PLXNC1: variants seen among roughly 807,000 people sequenced by gnomAD.
PLXNC1 encodes plexin-C1.
In PLXNC1, 75 loss-of-function variants were observed where a neutral mutation model predicts 178.2. The observed-to-expected ratio is 0.42, with a 90% CI of 0.35 to 0.51. The LOEUF is 0.51. Ranked by LOEUF, PLXNC1 falls within the 20% of genes least tolerant of loss-of-function variation. The pLI is 0.02. For missense variants in PLXNC1, 1,503 were observed against 1,984.4 expected (o/e 0.76, Z 4.61); for synonymous variants, 790 against 779.9 (o/e 1.01, Z -0.22).
At chr12:94,289,804 C>T (rs998660313) in intron 23 of PLXNC1, among the ~76,000 whole-genome samples, 1 of 152,220 alleles carries the variant, frequency 6.6e-6, no homozygotes, top group Non-Finnish European at 1.5e-5. Context: ...AATGTTCCAG[C>T]TCTAGAGCAG....
chr12:94,187,718 C>T (rs916608975), intron 4 of PLXNC1, among the ~76,000 whole-genome samples: 4 of 152,088 alleles, frequency 2.6e-5, no homozygotes, highest in Non-Finnish European at 2.9e-5. Flanking sequence ...GGAGTCAATT[C>T]GATAATGGTG....
At chr12:94,230,933 C>T (rs1407954410) in intron 9 of PLXNC1, among the ~76,000 whole-genome samples, 4 of 152,132 alleles carry the variant, frequency 2.6e-5, no homozygotes, top group Non-Finnish European at 4.4e-5. Flanking sequence ...GCAAGTATAC[C>T]GACCTCCACA....
intron 4 of PLXNC1, among the ~76,000 whole-genome samples, chr12:94,192,263 G>A (rs114850987): frequency 2.9e-4 from 44 of 152,236 alleles, no homozygotes; most frequent in African/African-American, 7.9e-4. Flanking sequence ...TAAGGAACTC[G>A]CATGCTAGCT....
At chr12:94,199,561 T>TG (rs1231061969) in intron 4 of PLXNC1, among the ~76,000 whole-genome samples, 1 of 152,134 alleles carries the variant, frequency 6.6e-6, no homozygotes, top group Admixed American at 6.5e-5. Flanking sequence ...GGAAGGGATT[T>TG]GGGGGGCTTT....
At chr12:94,156,475 A>C in intron 1 of PLXNC1, among the ~76,000 whole-genome samples, 1 of 77,590 alleles carries the variant, frequency 1.3e-5, no homozygotes, top group Non-Finnish European at 2.6e-5. Context: ...CCCACTGTCT[A>C]TCTTTTTTTT....
intron 23 of PLXNC1, among the ~76,000 whole-genome samples, chr12:94,291,818 C>T (rs758664289): frequency 1.1e-4 from 17 of 152,148 alleles, no homozygotes; most frequent in Non-Finnish European, 1.5e-4. Context: ...CAAGGGTATA[C>T]TGCATGATGC....
chr12:94,202,984 G>A (rs77395844), intron 4 of PLXNC1, among the ~76,000 whole-genome samples: 9,532 of 152,220 alleles, frequency 0.063, 535 homozygotes, highest in African/African-American at 0.14. Context: ...AGCTCTGTGC[G>A]TAAGAGTAAC....
intron 28 of PLXNC1, among the ~76,000 whole-genome samples, chr12:94,302,811 T>C (rs909905763): frequency 4.6e-5 from 7 of 152,216 alleles, no homozygotes; most frequent in Admixed American, 3.3e-4. Flanking sequence ...TGCAACTAGA[T>C]TGTAAGCTTC....
At position 94,211,802 on chromosome 12, in the gene PLXNC1, C is replaced by T. The variant is rs111963156; in HGVS notation, c.1554+2098C>T. Among the ~76,000 whole-genome samples, 1,373 of 152,270 alleles carry T rather than the reference C, an allele frequency of 9.0e-3. 9 individuals are homozygous for T. Among genetic ancestry groups the T allele is most frequent in the Admixed American group, 0.018 (271 of 15,290 alleles). ...AAACAGCAAGATGCATAAAAGTGTT[C>T]CTAGCATGATCTTATATTGATCAAA... On this transcript the variant is annotated intron_variant, in intron 5 of 30. Transcript: ENST00000258526.
chr12:94,289,186 G>A (rs879666070), intron 23 of PLXNC1, among the ~76,000 whole-genome samples: 78 of 152,156 alleles, frequency 5.1e-4, no homozygotes, highest in Non-Finnish European at 6.8e-4. Context: ...AAGTGGTTTG[G>A]AGGATGTGTA....
intron 11 of PLXNC1, among the ~76,000 whole-genome samples, chr12:94,242,852 A>G (rs1964427245): frequency 6.6e-6 from 1 of 152,118 alleles, no homozygotes; most frequent in Admixed American, 6.5e-5. Flanking sequence ...GGGGGAGGAA[A>G]AGGGTTCAAA....
intron 1 of PLXNC1, among the ~76,000 whole-genome samples, chr12:94,162,056 A>C (rs1204327933): frequency 6.6e-6 from 1 of 152,232 alleles, no homozygotes; most frequent in Middle Eastern, 3.2e-3. Flanking sequence ...AGTCAGTCTT[A>C]TAAAGATGGA....
chr12:94,149,214 G>T lies in PLXNC1; in HGVS notation c.243G>T (p.Arg81=), dbSNP rs1430441362. 1 of 1,585,242 alleles carries T rather than the reference G, an allele frequency of 6.3e-7. No homozygotes were observed. Among genetic ancestry groups the T allele is most frequent in the Non-Finnish European group, 8.5e-7 (1 of 1,170,586 alleles). The change falls in exon 1 of 31, where the codon CGG becomes CGT. Residue 81 remains arginine, a synonymous_variant. Coordinates refer to ENST00000258526, the MANE Select transcript of PLXNC1 (RefSeq NM_005761.3). The stretch of plus-strand genomic sequence containing the variant: ...AGCACAGCCTCTCGCGCCTGTACCG[G>T]GACCAAGCGGGCAACTGCACAGAGC... ...SLEHSLSRLY[R]DQAGNCTEPV...
intron 4 of PLXNC1, among the ~76,000 whole-genome samples, chr12:94,188,323 CT>C (rs141025919): frequency 0.017 from 2,156 of 127,746 alleles, 39 homozygotes; most frequent in African/African-American, 0.059. Flanking sequence ...TCTTTTTGTC[CT>C]TTTTTTTTTT....
At chr12:94,162,611 G>A (rs1223414650) in intron 1 of PLXNC1, among the ~76,000 whole-genome samples, 1 of 152,164 alleles carries the variant, frequency 6.6e-6, no homozygotes, top group African/African-American at 2.4e-5. Context: ...GATCGGGAGG[G>A]GAATGAATGG....
At chr12:94,256,549 A>G (rs2242499) in intron 17 of PLXNC1, among the ~76,000 whole-genome samples, 87,830 of 151,676 alleles carry the variant, frequency 0.58, 25,603 homozygotes, top group African/African-American at 0.62. Context: ...CGCCTGGGGA[A>G]AGGAATTCGA....
At chr12:94,224,124 A>T in intron 6 of PLXNC1, 104 bp from the exon 7 acceptor site, 1 of 763,582 alleles carries the variant, frequency 1.3e-6, no homozygotes, top group East Asian at 2.5e-5. Context: ...GCTCCTGCCC[A>T]CTATGCAGAG....
At chr12:94,253,968 C>T (rs1262359670) in intron 15 of PLXNC1, among the ~76,000 whole-genome samples, 1 of 102,912 alleles carries the variant, frequency 9.7e-6, no homozygotes, top group African/African-American at 3.0e-5. Context: ...CGTAAGCCCC[C>T]GCACCTGGCT....
intron 1 of PLXNC1, among the ~76,000 whole-genome samples, chr12:94,163,460 A>G (rs1347719107): frequency 6.6e-6 from 1 of 152,166 alleles, no homozygotes; most frequent in Admixed American, 6.5e-5. Flanking sequence ...TCTTTTTATA[A>G]GTAATTGACT....
Sources: gnomAD v4.1 joint callset for allele counts (sites outside exome capture counted in the v4.1 genomes callset) on GRCh38, gnomAD v4.1.1 for gene constraint, MANE v1.5 for transcripts, NCBI Gene and HGNC (gene_info 2026-07-23, HGNC 2026-07-21) for gene names.